The following MCPH1 variants were observed in gnomAD, a reference collection of about 807,000 sequenced individuals.
MCPH1 encodes the protein microcephalin.
In MCPH1, 104 loss-of-function variants were observed where a neutral mutation model predicts 84.5. The ratio of observed to expected loss-of-function variants is 1.23; its 90% confidence interval spans 1.05 to 1.45. The LOEUF (loss-of-function observed/expected upper bound fraction) is 1.45. Among genes scored for constraint, MCPH1 ranks in the 40% most tolerant of loss-of-function variants. The pLI is 0.00. For synonymous variants in MCPH1, 514 were observed against 366.8 expected, an observed-to-expected ratio of 1.40 and a Z score of -4.58; for missense variants, 1,498 against 1,005.7, an observed-to-expected ratio of 1.49 and a Z score of -6.62.
intron 12 of MCPH1, among the ~76,000 whole-genome samples, chr8:6,509,989 T>TAGCCA (rs1202344998): frequency 3.3e-5 from 5 of 152,102 alleles, no homozygotes; most frequent in Non-Finnish European, 7.4e-5. Flanking sequence ...AATCCCAAAG[T>TAGCCA]GTAGTTTCTG....
rs1804203856 is a variant in MCPH1 at position 6,445,482 on chromosome 8, T to A, written c.1760T>A (p.Ile587Lys). The change falls in exon 8 of 14, where the codon ATA becomes AAA. Residue 587 changes from isoleucine to lysine, a missense_variant. Physicochemically the swap from Ile to Lys is moderately radical, Grantham distance 102 (BLOSUM62 -3). Transcript: ENST00000344683. ...EAQSEHEPCFIVDCNMETSTE... is the reference protein window; with the variant it reads ...EAQSEHEPCFKVDCNMETSTE... ...CAGAGTGAACATGAGCCATGTTTTA[T>A]AGTTGACTGTAACATGGAGACGTCT... is the stretch of plus-strand genomic sequence containing the variant. 3.7e-6 allele frequency: 6 copies of A among 1,613,922 alleles called. 1 individual carries two copies. The South Asian group carries it at 6.6e-5, about 18-fold the overall frequency.
intron 4 of MCPH1, among the ~76,000 whole-genome samples, chr8:6,434,620 C>G (rs74766630): frequency 1.3e-5 from 2 of 152,184 alleles, no homozygotes; most frequent in African/African-American, 4.8e-5. Flanking sequence ...AAGACCAGCG[C>G]CTGACATAAA....
At chr8:6,621,284 A>G in intron 12 of MCPH1, 170 bp from the exon 13 acceptor site, 1 of 819,444 alleles carries the variant, frequency 1.2e-6, no homozygotes, top group Non-Finnish European at 2.0e-6. Context: ...TTATGTCATT[A>G]ATGTCATCAT....
At chr8:6,622,065 C>T (rs1322029954) in intron 13 of MCPH1, 6 of 364,076 alleles carry the variant, frequency 1.6e-5, no homozygotes, top group South Asian at 6.6e-5. Flanking sequence ...GAGTCCCTGG[C>T]AGCGCCCGGC....
At chr8:6,427,529 G>A (rs1260339914) in intron 3 of MCPH1, among the ~76,000 whole-genome samples, 1 of 152,046 alleles carries the variant, frequency 6.6e-6, no homozygotes, top group Non-Finnish European at 1.5e-5. Context: ...GTGCCACTAT[G>A]CCTGGGTAAT....
At chr8:6,573,957 A>G (rs908645820) in intron 12 of MCPH1, among the ~76,000 whole-genome samples, 1 of 152,216 alleles carries the variant, frequency 6.6e-6, no homozygotes, top group African/African-American at 2.4e-5. Context: ...GAAGAAGCAA[A>G]TGAAAATCCT....
intron 3 of MCPH1, among the ~76,000 whole-genome samples, chr8:6,428,426 A>G (rs568645540): frequency 1.2e-3 from 179 of 152,318 alleles, no homozygotes; most frequent in African/African-American, 4.2e-3. Flanking sequence ...TATGCGGCAT[A>G]TAACTGGATT....
At chr8:6,538,470 C>G (rs1820910175) in intron 12 of MCPH1, among the ~76,000 whole-genome samples, 2 of 152,148 alleles carry the variant, frequency 1.3e-5, no homozygotes, top group African/African-American at 4.8e-5. Flanking sequence ...AGGATAAGGT[C>G]CAGATTCCTT....
At chr8:6,464,942 T>G (rs1298454902) in intron 9 of MCPH1, among the ~76,000 whole-genome samples, 1 of 151,326 alleles carries the variant, frequency 6.6e-6, no homozygotes, top group Non-Finnish European at 1.5e-5. Flanking sequence ...GAGGTTGCAG[T>G]GAGCCAAGAT....
At chr8:6,406,726 G>C in intron 1 of MCPH1, 37 bp downstream of exon 1, 1 of 1,609,732 alleles carries the variant, frequency 6.2e-7, no homozygotes. Flanking sequence ...AGCAGCGGGA[G>C]TTTGAGGACC....
At chr8:6,432,426 A>G (rs1218979326) in intron 4 of MCPH1, among the ~76,000 whole-genome samples, 2 of 152,210 alleles carry the variant, frequency 1.3e-5, no homozygotes, top group African/African-American at 2.4e-5. Flanking sequence ...TAGATCTGGA[A>G]CTTGCAGATA....
chr8:6,584,873 G>T (rs1827847129), intron 12 of MCPH1, among the ~76,000 whole-genome samples: 1 of 152,108 alleles, frequency 6.6e-6, no homozygotes, highest in Non-Finnish European at 1.5e-5. Flanking sequence ...CCCCATATTT[G>T]ATTAACAAAT....
At chr8:6,408,817 C>G (rs1039491093) in intron 1 of MCPH1, among the ~76,000 whole-genome samples, 2 of 152,194 alleles carry the variant, frequency 1.3e-5, no homozygotes, top group Admixed American at 6.5e-5. Flanking sequence ...ACTGCCTTGG[C>G]CTTCCAGAGT....
intron 11 of MCPH1, among the ~76,000 whole-genome samples, chr8:6,497,232 A>G (rs1261407881): frequency 6.6e-6 from 1 of 151,920 alleles, no homozygotes; most frequent in Non-Finnish European, 1.5e-5. Flanking sequence ...TATAATCCCA[A>G]CACGTTGAGA....
At chr8:6,641,538 G>A (rs905839698) in intron 13 of MCPH1, among the ~76,000 whole-genome samples, 1 of 152,192 alleles carries the variant, frequency 6.6e-6, no homozygotes, top group Non-Finnish European at 1.5e-5. Flanking sequence ...GAGCCCAGGA[G>A]TTCGAGATCA....
intron 12 of MCPH1, among the ~76,000 whole-genome samples, chr8:6,613,625 G>C (rs577950788): frequency 1.3e-5 from 2 of 152,186 alleles, no homozygotes; most frequent in East Asian, 1.9e-4. Flanking sequence ...CAAGGGACCG[G>C]GGGGTGAGGG....
intron 13 of MCPH1, among the ~76,000 whole-genome samples, chr8:6,632,913 C>T (rs966494445): frequency 1.3e-5 from 2 of 151,696 alleles, no homozygotes; most frequent in Non-Finnish European, 2.9e-5. Flanking sequence ...GTGGTTTAAC[C>T]TAAGAATGAA....
intron 12 of MCPH1, among the ~76,000 whole-genome samples, chr8:6,560,250 T>C (rs73661404): frequency 0.13 from 19,410 of 152,100 alleles, 1,332 homozygotes; most frequent in South Asian, 0.17. Flanking sequence ...CAAAAGAAAA[T>C]ATGTAAAACC....
chr8:6,591,219 A>C (rs1029915000), intron 12 of MCPH1, among the ~76,000 whole-genome samples: 1 of 152,208 alleles, frequency 6.6e-6, no homozygotes, highest in Non-Finnish European at 1.5e-5. Flanking sequence ...TTCCTATCGC[A>C]TTTTGACACC....
Sources: allele counts gnomAD v4.1 joint callset (sites outside exome capture counted in the v4.1 genomes callset), GRCh38; gene constraint gnomAD v4.1.1; transcripts MANE v1.5; gene names NCBI Gene and HGNC (gene_info 2026-07-23, HGNC 2026-07-21).